The following SNTG1 variants were observed in gnomAD, a reference collection of about 807,000 sequenced individuals.
SNTG1 encodes gamma-1-syntrophin.
In SNTG1, 39 loss-of-function variants were observed where a neutral mutation model predicts 74.7. The observed-to-expected ratio is 0.52, with a 90% CI of 0.40 to 0.68. The LOEUF is 0.68. Ranked by LOEUF, SNTG1 falls within the 30% of genes least tolerant of loss-of-function variation. SNTG1 has a pLI of 0.00. For synonymous variants in SNTG1, 254 were observed against 217.1 expected, an observed-to-expected ratio of 1.17 and a Z score of -1.49; for missense variants, 685 against 609.5, an observed-to-expected ratio of 1.12 and a Z score of -1.30.
intron 13 of SNTG1, among the ~76,000 whole-genome samples, chr8:50,632,137 G>T (rs545319234): frequency 2.3e-4 from 35 of 151,940 alleles, no homozygotes; most frequent in Admixed American, 2.0e-4. Flanking sequence ...GGCAAAACAG[G>T]TCAAAATACA....
At chr8:50,348,538 G>A (rs763612025) in intron 2 of SNTG1, among the ~76,000 whole-genome samples, 11 of 152,140 alleles carry the variant, frequency 7.2e-5, no homozygotes, top group South Asian at 4.1e-4. Flanking sequence ...TTTGGTCACC[G>A]CAAGGAGTAA....
At chr8:50,444,166 A>G (rs1190402418) in intron 5 of SNTG1, among the ~76,000 whole-genome samples, 1 of 152,056 alleles carries the variant, frequency 6.6e-6, no homozygotes. Flanking sequence ...ATAAAATAAA[A>G]CAAAACTGAA....
At chr8:50,007,252 G>T (rs1488769981) in intron 1 of SNTG1, among the ~76,000 whole-genome samples, 2 of 152,084 alleles carry the variant, frequency 1.3e-5, no homozygotes, top group African/African-American at 4.8e-5. Context: ...TGTTGCATGG[G>T]ATAATATGAC....
chr8:50,180,027 C>A (rs899167527), intron 2 of SNTG1, among the ~76,000 whole-genome samples: 4 of 152,142 alleles, frequency 2.6e-5, no homozygotes, highest in Admixed American at 2.0e-4. Context: ...ATTAAAACAA[C>A]CCTAACTGTT....
At chr8:50,590,987 G>A (rs950000004) in intron 13 of SNTG1, 70 bp downstream of exon 13, 13 of 1,091,506 alleles carry the variant, frequency 1.2e-5, no homozygotes, top group South Asian at 1.8e-5. Context: ...AGAAGATAAC[G>A]TTACCTGATT....
chr8:50,588,974 TC>T (rs2094673020), intron 12 of SNTG1, among the ~76,000 whole-genome samples: 1 of 152,120 alleles, frequency 6.6e-6, no homozygotes, highest in Non-Finnish European at 1.5e-5. Flanking sequence ...TGTTGGCATA[TC>T]ACACTGTCTT....
intron 4 of SNTG1, among the ~76,000 whole-genome samples, chr8:50,404,283 A>G (rs2092842621): frequency 6.6e-6 from 1 of 152,152 alleles, no homozygotes. Flanking sequence ...AAAGATATAA[A>G]CAAATAAATG....
intron 18 of SNTG1, among the ~76,000 whole-genome samples, chr8:50,763,181 T>C (rs1465663267): frequency 6.6e-6 from 1 of 151,974 alleles, no homozygotes; most frequent in East Asian, 2.0e-4. Context: ...TTGGGGACAG[T>C]GGTTTTCCCC....
intron 2 of SNTG1, among the ~76,000 whole-genome samples, chr8:50,196,921 G>T (rs1586658281): frequency 1.3e-5 from 2 of 152,234 alleles, no homozygotes; most frequent in East Asian, 3.9e-4. Flanking sequence ...GGTGGAAGTT[G>T]CAGTGAGCTG....
At chr8:50,324,603 C>A (rs1415545165) in intron 2 of SNTG1, among the ~76,000 whole-genome samples, 1 of 152,054 alleles carries the variant, frequency 6.6e-6, no homozygotes, top group Non-Finnish European at 1.5e-5. Context: ...GCTTGCATTT[C>A]CCTCTTTAGT....
chr8:50,383,439 TATGTGTATACACACA>T (rs1249024811), intron 2 of SNTG1, among the ~76,000 whole-genome samples: 1 of 152,208 alleles, frequency 6.6e-6, no homozygotes, highest in African/African-American at 2.4e-5. Flanking sequence ...ATATTATACA[TATGTGTATACACACA>T]TATATATGTT....
At chr8:50,662,358 A>G (rs1456761764) in intron 15 of SNTG1, among the ~76,000 whole-genome samples, 3 of 152,218 alleles carry the variant, frequency 2.0e-5, no homozygotes, top group Admixed American at 1.3e-4. Flanking sequence ...AATAACAAAA[A>G]TGAAGCAATA....
intron 1 of SNTG1, among the ~76,000 whole-genome samples, chr8:49,922,735 T>G (rs574787224): frequency 2.6e-5 from 4 of 152,172 alleles, no homozygotes; most frequent in Non-Finnish European, 5.9e-5. Flanking sequence ...GTTTTAGAGT[T>G]GTATAAAAGT....
At chr8:50,321,088 C>A (rs986279990) in intron 2 of SNTG1, among the ~76,000 whole-genome samples, 2 of 152,006 alleles carry the variant, frequency 1.3e-5, no homozygotes, top group Non-Finnish European at 2.9e-5. Flanking sequence ...AGTTTCTTTG[C>A]TGACTTTCTG....
At chr8:50,078,151 A>G (rs1017326098) in intron 1 of SNTG1, among the ~76,000 whole-genome samples, 16 of 152,354 alleles carry the variant, frequency 1.1e-4, no homozygotes, top group Admixed American at 8.5e-4. Flanking sequence ...TGTTGTCTTT[A>G]GAGAATACAA....
chr8:50,251,420 T>C (rs1210549170), intron 2 of SNTG1, among the ~76,000 whole-genome samples: 1 of 151,932 alleles, frequency 6.6e-6, no homozygotes, highest in Non-Finnish European at 1.5e-5. Context: ...AATTTTCCAA[T>C]TTAGGTTTAG....
chr8:50,132,220 T>C (rs985792051), intron 1 of SNTG1, among the ~76,000 whole-genome samples: 1 of 152,208 alleles, frequency 6.6e-6, no homozygotes, highest in African/African-American at 2.4e-5. Context: ...GAAAAAGTCA[T>C]ATAATTTTTT....
rs2095701861 is a variant in SNTG1, at chr8:50,795,179, C to T, written c.*2350C>T. The stretch of plus-strand genomic sequence containing the variant: ...TTGTAAAATGTAGCTTGATTAAAAA[C>T]TTATGACAATACCATTATGAATATT... On this transcript the variant is annotated 3_prime_UTR_variant, in exon 19 of 19. Coordinates refer to ENST00000642720, the MANE Select transcript of SNTG1 (RefSeq NM_018967.5). The T allele has an allele frequency of 6.6e-6, 1 of 151,848 alleles. No individual in the cohort carries two copies. The highest frequency in any genetic ancestry group is 1.5e-5 in the Non-Finnish European group (1 of 67,932). The allele number at this position is 151,848 out of a possible 1,614,324, so 9.4% of individuals were successfully genotyped here. A position where few individuals can be genotyped will look rare whatever the true frequency, so the allele number is the denominator to read the frequency against.
chr8:50,260,727 A>G (rs1298722714), intron 2 of SNTG1, among the ~76,000 whole-genome samples: 1 of 145,192 alleles, frequency 6.9e-6, no homozygotes, highest in African/African-American at 2.5e-5. Context: ...TAGGTAATGT[A>G]AGTAGAGAAA....
Sources: gnomAD v4.1 joint callset for allele counts (sites outside exome capture counted in the v4.1 genomes callset) on GRCh38, gnomAD v4.1.1 for gene constraint, MANE v1.5 for transcripts, NCBI Gene and HGNC (gene_info 2026-07-23, HGNC 2026-07-21) for gene names.